DOCK4: variants seen among roughly 807,000 people sequenced by gnomAD.
DOCK4 encodes dedicator of cytokinesis 4, also known as dedicator of cytokinesis protein 4.
In DOCK4, 97 loss-of-function variants were observed where a neutral mutation model predicts 268.1. The ratio of observed to expected loss-of-function variants is 0.36; its 90% confidence interval spans 0.31 to 0.43. The LOEUF (loss-of-function observed/expected upper bound fraction) is 0.43. Among genes scored for constraint, DOCK4 ranks in the 20% least tolerant of loss-of-function variants. The probability of loss-of-function intolerance (pLI) is 1.00; values close to 1 mark genes in which losing one functional copy is unlikely to be tolerated. For synonymous variants in DOCK4, 954 were observed against 887.2 expected (o/e 1.08, Z -1.34); for missense variants, 2,145 against 2,455.7 (o/e 0.87, Z 2.67).
At chr7:112,085,006 G>T (rs77447686) in intron 1 of DOCK4, among the ~76,000 whole-genome samples, 4,317 of 152,094 alleles carry the variant, frequency 0.028, 215 homozygotes, top group African/African-American at 0.095. Context: ...AATTTGGAGC[G>T]AGGGCTGTCT....
At chr7:112,078,387 A>G (rs1808271036) in intron 1 of DOCK4, among the ~76,000 whole-genome samples, 2 of 152,134 alleles carry the variant, frequency 1.3e-5, no homozygotes, top group East Asian at 3.8e-4. Context: ...CCCCAGGTAA[A>G]TACTTTTTCC....
At chr7:111,976,177 T>TATATATAC (rs1435347839) in intron 8 of DOCK4, among the ~76,000 whole-genome samples, 7 of 89,164 alleles carry the variant, frequency 7.9e-5, no homozygotes, top group African/African-American at 3.5e-4. Flanking sequence ...TATATATATA[T>TATATATAC]ACACACACAC....
At chr7:111,816,455 T>A (rs1801563178) in intron 27 of DOCK4, among the ~76,000 whole-genome samples, 1 of 152,186 alleles carries the variant, frequency 6.6e-6, no homozygotes, top group African/African-American at 2.4e-5. Flanking sequence ...GTTCTCAAAC[T>A]TCAGCATGCA....
intron 1 of DOCK4, among the ~76,000 whole-genome samples, chr7:112,052,619 G>A (rs1805464773): frequency 6.6e-6 from 1 of 152,094 alleles, no homozygotes; most frequent in South Asian, 2.1e-4. Context: ...TTTACATTAT[G>A]TTGTAATGCC....
intron 8 of DOCK4, among the ~76,000 whole-genome samples, chr7:111,949,866 A>G (rs1471111796): frequency 6.6e-6 from 1 of 152,250 alleles, no homozygotes. Context: ...GGAGAATATC[A>G]GAAGGTATGC....
intron 8 of DOCK4, among the ~76,000 whole-genome samples, chr7:111,976,200 G>T (rs141779881): frequency 1.7e-5 from 1 of 57,200 alleles, no homozygotes; most frequent in Non-Finnish European, 2.9e-5. Context: ...ACGCACACAC[G>T]CACATATGTG....
At chr7:112,057,211 C>T (rs1271485835) in intron 1 of DOCK4, among the ~76,000 whole-genome samples, 7 of 151,896 alleles carry the variant, frequency 4.6e-5, no homozygotes, top group African/African-American at 1.7e-4. Context: ...CCCAGGAGTT[C>T]GAGACCAGCT....
intron 1 of DOCK4, among the ~76,000 whole-genome samples, chr7:112,078,772 A>G (rs955824415): frequency 6.2e-4 from 95 of 152,346 alleles, no homozygotes; most frequent in African/African-American, 2.2e-3. Context: ...TATCTCCTGC[A>G]GAGTCTGGGT....
At chr7:111,933,845 A>G (rs1794471823) in intron 12 of DOCK4, among the ~76,000 whole-genome samples, 1 of 152,180 alleles carries the variant, frequency 6.6e-6, no homozygotes, top group East Asian at 1.9e-4. Flanking sequence ...CTCACCACTC[A>G]TTATAGTCTG....
intron 1 of DOCK4, among the ~76,000 whole-genome samples, chr7:112,080,866 T>C (rs1056085882): frequency 3.3e-5 from 5 of 152,212 alleles, no homozygotes; most frequent in Non-Finnish European, 7.3e-5. Flanking sequence ...GACAGCAAGA[T>C]ATTTTGATGT....
intron 26 of DOCK4, among the ~76,000 whole-genome samples, chr7:111,830,107 G>A (rs1208732949): frequency 6.6e-6 from 1 of 152,162 alleles, no homozygotes; most frequent in Non-Finnish European, 1.5e-5. Flanking sequence ...AAACAAAATT[G>A]AGCACAGGAA....
chr7:111,847,393 A>ATG (rs1021242633), intron 23 of DOCK4, among the ~76,000 whole-genome samples: 1 of 151,986 alleles, frequency 6.6e-6, no homozygotes. Context: ...TCTAAATTAC[A>ATG]TGCTTCTCTT....
chr7:112,175,689 G>T (rs1004764696), intron 1 of DOCK4, among the ~76,000 whole-genome samples: 2 of 151,772 alleles, frequency 1.3e-5, no homozygotes, highest in Non-Finnish European at 2.9e-5. Flanking sequence ...ATGATTATAA[G>T]AATAAAAATG....
At chr7:111,996,296 A>T (rs1054829164) in intron 4 of DOCK4, among the ~76,000 whole-genome samples, 4 of 152,246 alleles carry the variant, frequency 2.6e-5, no homozygotes, top group African/African-American at 9.6e-5. Context: ...ATTTTTAAGC[A>T]TAAAATTGCC....
At chr7:112,136,503 C>A (rs955278344) in intron 1 of DOCK4, among the ~76,000 whole-genome samples, 1 of 152,312 alleles carries the variant, frequency 6.6e-6, no homozygotes, top group East Asian at 1.9e-4. Flanking sequence ...TGCGTAACAC[C>A]TATGTGTCAA....
intron 1 of DOCK4, among the ~76,000 whole-genome samples, chr7:112,020,958 T>C (rs1586658374): frequency 6.6e-6 from 1 of 152,320 alleles, no homozygotes; most frequent in Non-Finnish European, 1.5e-5. Flanking sequence ...TTCGTTTTCC[T>C]GCCCATTTCT....
chr7:111,740,502 T>C lies in DOCK4; in HGVS notation c.5040+592A>G, dbSNP rs2133428946. On this transcript the variant is annotated intron_variant, in intron 47 of 52. Transcript: ENST00000428084. ...AATCCCAGCACTTTGGGAGGCCAAATTGGGCAGATCACTTGAGGTCAGGAG... is the reference window on the plus strand; with the variant it reads ...AATCCCAGCACTTTGGGAGGCCAAACTGGGCAGATCACTTGAGGTCAGGAG... 2.0e-5 allele frequency among the ~76,000 whole-genome samples: 3 copies of C among 149,796 alleles called. No homozygotes were observed. In the South Asian group the frequency reaches 6.4e-4, roughly 32 times the overall value.
rs879754479 is a variant in DOCK4, at chr7:111,815,542, T to C, written c.2931-3593A>G. The stretch of plus-strand genomic sequence containing the variant: ...TGCAAATCTCAGTGCTCCAACTCAA[T>C]AGTCAAAAAAGATTTTCAATATGCT... On this transcript the variant is annotated intron_variant, in intron 27 of 52. Transcript: ENST00000428084. Among the ~76,000 whole-genome samples, 5 of 152,296 alleles carry C rather than the reference T, an allele frequency of 3.3e-5. No homozygotes were observed. In the South Asian group the frequency reaches 1.0e-3, roughly 32 times the overall value.
chr7:111,952,412 C>T (rs1299912031), intron 8 of DOCK4, among the ~76,000 whole-genome samples: 2 of 152,108 alleles, frequency 1.3e-5, no homozygotes, highest in African/African-American at 4.8e-5. Context: ...TCCTTGTAAA[C>T]CACTCAGTAG....
Sources: allele counts gnomAD v4.1 joint callset (sites outside exome capture counted in the v4.1 genomes callset), GRCh38; gene constraint gnomAD v4.1.1; transcripts MANE v1.5; gene names NCBI Gene and HGNC (gene_info 2026-07-23, HGNC 2026-07-21).